The following DCAF4L2 variants were observed in gnomAD, a reference collection of about 807,000 sequenced individuals.
DCAF4L2 encodes DDB1 and CUL4 associated factor 4 like 2.
A neutral mutation model predicts 15.5 loss-of-function variants in DCAF4L2; 13 were observed. The ratio of observed to expected loss-of-function variants is 0.84; its 90% confidence interval spans 0.54 to 1.33. The LOEUF is 1.33. DCAF4L2 is among the 40% of genes most tolerant of loss of function. The pLI is 0.00. For synonymous variants in DCAF4L2, 251 were observed against 207.0 expected (o/e 1.21, Z -1.83); for missense variants, 519 against 509.6 (o/e 1.02, Z -0.18).
rs1414098327 is a variant in DCAF4L2, at chr8:87,871,190, A to C, written c.*1594T>G. 1 of 152,064 alleles carries C rather than the reference A, an allele frequency of 6.6e-6. No homozygotes were observed. The highest frequency in any genetic ancestry group is 1.5e-5 in the Non-Finnish European group (1 of 67,982). The allele number at this position is 152,064 out of a possible 1,614,324, so 9.4% of individuals were successfully genotyped here. A position where few individuals can be genotyped will look rare whatever the true frequency, so the allele number is the denominator to read the frequency against. Reference sequence around the variant, plus strand: ...ATGGACATTTTAATAGTTGCCTAAAACTCAGCATTATTCTCTTCACCTAAA... The same window carrying C: ...ATGGACATTTTAATAGTTGCCTAAACCTCAGCATTATTCTCTTCACCTAAA... On this transcript the variant is annotated 3_prime_UTR_variant, in exon 1 of 1. Coordinates refer to ENST00000319675, the MANE Select transcript of DCAF4L2 (RefSeq NM_152418.4).
In DCAF4L2 at chr8:87,873,996, C is replaced by T. The variant is rs1157139163; in HGVS notation, c.-25G>A. 2 of 1,605,422 alleles carry T rather than the reference C, an allele frequency of 1.2e-6. No homozygotes were observed. Among genetic ancestry groups the T allele is most frequent in the Non-Finnish European group, 1.7e-6 (2 of 1,174,872 alleles). ...TTTCGTTCGGCGGATGTTCTCCCTC[C>T]TGAGGGGAAGTTCTGTCCCGGGAGT... On this transcript the variant is annotated 5_prime_UTR_variant, in exon 1 of 1. Transcript: ENST00000319675.
In DCAF4L2 at chr8:87,873,411, G is replaced by C. The variant is rs757726824; in HGVS notation, c.561C>G (p.Ser187=). The change falls in exon 1 of 1, where the codon TCC becomes TCG. Residue 187 remains serine, a synonymous_variant. Coordinates refer to ENST00000319675, the MANE Select transcript of DCAF4L2 (RefSeq NM_152418.4). ...LCSFQIPDAW[S]CAWSLSIHAY... ...CGTGGATGCTCAGGGACCAGGCACA[G>C]GACCAGGCATCAGGGATCTGGAAAC... 3 of 1,614,158 alleles carry C rather than the reference G, an allele frequency of 1.9e-6. No individual in the cohort carries two copies. The highest frequency in any genetic ancestry group is 2.5e-6 in the Non-Finnish European group (3 of 1,180,026).
In DCAF4L2 at chr8:87,872,781, G is replaced by T. The variant is rs763358995; in HGVS notation, c.*3C>A. 5 of 1,557,106 alleles carry T rather than the reference G, an allele frequency of 3.2e-6. No homozygotes were observed. Among genetic ancestry groups the T allele is most frequent in the Middle Eastern group, 1.7e-4 (1 of 5,750 alleles). On this transcript the variant is annotated 3_prime_UTR_variant, in exon 1 of 1. Coordinates refer to ENST00000319675, the MANE Select transcript of DCAF4L2 (RefSeq NM_152418.4). ...ACGTTCCTCCGGGCTGCATCCTGAA[G>T]AATTAACCGTAGGAGAAACAATAAA... is the stretch of plus-strand genomic sequence containing the variant.
In DCAF4L2 at chr8:87,873,151, G is replaced by A. The variant is rs759380068; in HGVS notation, c.821C>T (p.Thr274Ile). 2 of 1,614,212 alleles carry A rather than the reference G, an allele frequency of 1.2e-6. No individual in the cohort carries two copies. The highest frequency in any genetic ancestry group is 2.2e-5 in the South Asian group (2 of 91,092). The change falls in exon 1 of 1, where the codon ACT (threonine) becomes ATT (isoleucine). Residue 274 changes from threonine (T) to isoleucine (I), a missense_variant. Physicochemically the swap from Thr to Ile is moderately conservative, Grantham distance 89 (BLOSUM62 -1). Coordinates refer to ENST00000319675, the MANE Select transcript of DCAF4L2 (RefSeq NM_152418.4). ...GCCATCTTGGAGGATTTGCAGAGAA[G>A]TCACTGCTGAATCATGGGACAGGCA... ...AICLSHDSAV[T>I]SLQILQDGQF...
chr8:87,870,996 TAC>T lies in DCAF4L2; in HGVS notation c.*1786_*1787del, dbSNP rs35578961. ...TTACAAAGAAATAACAAGTACAGCT[TAC>T]ACAGTTTCCCCTGTCACACATCAAG... On this transcript the variant is annotated 3_prime_UTR_variant, in exon 1 of 1. Coordinates refer to ENST00000319675, the MANE Select transcript of DCAF4L2 (RefSeq NM_152418.4). 40,275 of 152,190 alleles carry T rather than the reference TAC, an allele frequency of 0.26. 6,333 individuals carry two copies. The highest frequency in any genetic ancestry group is 0.44 in the African/African-American group (18,172 of 41,390). 9.4% of individuals were successfully genotyped at this position (152,190 alleles called of 1,614,324 possible).
Position 87,871,397 on chromosome 8 carries a change from A to T in DCAF4L2, c.*1387T>A, listed in dbSNP as rs1308208026. 6.5e-6 allele frequency: 1 copy of T among 154,912 alleles called. No homozygotes were observed. Among genetic ancestry groups the T allele is most frequent in the African/African-American group, 2.4e-5 (1 of 41,422 alleles). The allele number at this position is 154,912 out of a possible 1,614,324, so 9.6% of individuals were successfully genotyped here. A position where few individuals can be genotyped will look rare whatever the true frequency, so the allele number is the denominator to read the frequency against. ...AATGCAATCATTTCTGATTTTTCTG[A>T]TTATTTCTACTTCTCATAGTCAGGT... On this transcript the variant is annotated 3_prime_UTR_variant, in exon 1 of 1. Coordinates refer to ENST00000319675, the MANE Select transcript of DCAF4L2 (RefSeq NM_152418.4).
rs1809403172 is a variant in DCAF4L2, at chr8:87,871,809, T to C, written c.*975A>G. ...CATATAGCAATTGTGCCTTATTTTATATTATGCTTTATCCAATTGTATGAC... is the reference window on the plus strand; with the variant it reads ...CATATAGCAATTGTGCCTTATTTTACATTATGCTTTATCCAATTGTATGAC... On this transcript the variant is annotated 3_prime_UTR_variant, in exon 1 of 1. Coordinates refer to ENST00000319675, the MANE Select transcript of DCAF4L2 (RefSeq NM_152418.4). 2 of 152,408 alleles carry C rather than the reference T, an allele frequency of 1.3e-5. No homozygotes were observed. The highest frequency in any genetic ancestry group is 4.1e-4 in the South Asian group (2 of 4,838). The allele number at this position is 152,408 out of a possible 1,614,324, so 9.4% of individuals were successfully genotyped here.
At position 87,873,374 on chromosome 8, in the gene DCAF4L2, AAG is replaced by A; in HGVS notation, c.596_597del (p.Ser199PhefsTer25). On this transcript the variant is annotated frameshift_variant, in exon 1 of 1. Coordinates refer to ENST00000319675, the MANE Select transcript of DCAF4L2 (RefSeq NM_152418.4). LOFTEE classifies it high-confidence loss of function. ...AWSLSIHAYH[S>X]FSTGLSQQVL... is the part of the protein sequence containing the mutation. ...ACCTGCTGAGACAAGCCTGTACTGA[AAG>A]AGTGATACGCGTGGATGCTCAGGGA... is the stretch of plus-strand genomic sequence containing the variant. 6.2e-7 allele frequency: 1 copy of A among 1,614,170 alleles called. No individual in the cohort carries two copies. The highest frequency in any genetic ancestry group is 8.5e-7 in the Non-Finnish European group (1 of 1,180,024).
rs1809427616 is a variant in DCAF4L2 at position 87,872,980 on chromosome 8, G to A, written c.992C>T (p.Ala331Val). ...TCTCGTGTAGCAGTCCTGGCCCACG[G>A]CCGCCACGACTCCTTCTTCTTCGTT... ...HVNEEEGVVA[A>V]VGQDCYTRIW... Residue 331 changes from alanine to valine, a missense_variant, in exon 1 of 1, where the codon GCC becomes GTC. Ala to Val is a moderately conservative substitution (Grantham distance 64, BLOSUM62 0). Coordinates refer to ENST00000319675, the MANE Select transcript of DCAF4L2 (RefSeq NM_152418.4). 6.2e-7 allele frequency: 1 copy of A among 1,614,148 alleles called. No homozygotes were observed. The highest frequency in any genetic ancestry group is 8.5e-7 in the Non-Finnish European group (1 of 1,180,022).
chr8:87,873,502 A>G lies in DCAF4L2; in HGVS notation c.470T>C (p.Val157Ala), dbSNP rs1451534251. The change falls in exon 1 of 1, where the codon GTG becomes GCG. Residue 157 changes from valine (V) to alanine (A), a missense_variant. By Grantham distance (64) the Val-to-Ala change is moderately conservative (BLOSUM62 0). Coordinates refer to ENST00000319675, the MANE Select transcript of DCAF4L2 (RefSeq NM_152418.4). ...TATGAACAGCGACGCTGGGAGCAGC[A>G]CGGCACAGCTTGGAGTATCTGCAAG... ...VGLADTPSCAVLLPASLFIGS... is the reference protein window; with the variant it reads ...VGLADTPSCAALLPASLFIGS... 3.1e-6 allele frequency: 5 copies of G among 1,614,194 alleles called. No individual in the cohort carries two copies. In the South Asian group the frequency reaches 5.5e-5, roughly 18 times the overall value.
In DCAF4L2 at chr8:87,873,991, C is replaced by G; in HGVS notation, c.-20G>C. On this transcript the variant is annotated 5_prime_UTR_variant, in exon 1 of 1. Coordinates refer to ENST00000319675, the MANE Select transcript of DCAF4L2 (RefSeq NM_152418.4). ...CTCCATTTCGTTCGGCGGATGTTCT[C>G]CCTCCTGAGGGGAAGTTCTGTCCCG... is the stretch of plus-strand genomic sequence containing the variant. 6.2e-7 allele frequency: 1 copy of G among 1,608,496 alleles called. No homozygotes were observed. Among genetic ancestry groups the G allele is most frequent in the African/African-American group, 1.3e-5 (1 of 74,926 alleles).
chr8:87,873,173 G>C lies in DCAF4L2; in HGVS notation c.799C>G (p.Leu267Val), dbSNP rs764847286. 3 of 1,614,058 alleles carry C rather than the reference G, an allele frequency of 1.9e-6. No homozygotes were observed. The East Asian group carries it at 6.7e-5, about 36-fold the overall frequency. Residue 267 changes from leucine (L) to valine (V), a missense_variant, in exon 1 of 1, where the codon CTG (leucine) becomes GTG (valine). Coordinates refer to ENST00000319675, the MANE Select transcript of DCAF4L2 (RefSeq NM_152418.4). ...NQGSGWKAIC[L>V]SHDSAVTSLQ... is the part of the protein sequence containing the mutation. ...GAAGTCACTGCTGAATCATGGGACA[G>C]GCAAATGGCCTTCCACCCGCTGCCT...
Position 87,872,882 on chromosome 8 carries a change from G to C in DCAF4L2, c.1090C>G (p.Pro364Ala). 6.2e-7 allele frequency: 1 copy of C among 1,614,164 alleles called. No homozygotes were observed. Among genetic ancestry groups the C allele is most frequent in the South Asian group, 1.1e-5 (1 of 91,084 alleles). The change falls in exon 1 of 1, where the codon CCC becomes GCC. Residue 364 changes from proline to alanine, a missense_variant. By Grantham distance (27) the Pro-to-Ala change is conservative. Transcript: ENST00000319675. The part of the protein sequence containing the change: ...SPYPASENDI[P>A]SVAFSSRLGG... ...AGGCGAGAAGAGAAGGCCACACTGG[G>C]AATGTCGTTCTCCGAGGCGGGGTAT...
rs894032900 is a variant in DCAF4L2, at chr8:87,872,415, G to C, written c.*369C>G. On this transcript the variant is annotated 3_prime_UTR_variant, in exon 1 of 1. Coordinates refer to ENST00000319675, the MANE Select transcript of DCAF4L2 (RefSeq NM_152418.4). ...GGTAGGACTAGTCAAACAGTCTCAT[G>C]CTTCTCTAAAAGGCTTCTGGTGTAA... 6.0e-6 allele frequency: 1 copy of C among 167,336 alleles called. No homozygotes were observed. Among genetic ancestry groups the C allele is most frequent in the African/African-American group, 2.4e-5 (1 of 41,372 alleles). The allele number at this position is 167,336 out of a possible 1,614,324, so 10.4% of individuals were successfully genotyped here. A position where few individuals can be genotyped will look rare whatever the true frequency, so the allele number is the denominator to read the frequency against.
rs746026499 is a variant in DCAF4L2, at chr8:87,872,514, AAAG to A, written c.*267_*269del. On this transcript the variant is annotated 3_prime_UTR_variant, in exon 1 of 1. Coordinates refer to ENST00000319675, the MANE Select transcript of DCAF4L2 (RefSeq NM_152418.4). ...GTGTTTTTTTGTTAAAAAAAAAAAAAAAGGGGGGGATAACTATTCTAAGGTATT... is the reference window on the plus strand; with the variant it reads ...GTGTTTTTTTGTTAAAAAAAAAAAAAGGGGGGATAACTATTCTAAGGTATT... 0.07 allele frequency: 17,291 copies of A among 245,618 alleles called. 585 individuals are homozygous for A. The highest frequency in any genetic ancestry group is 0.11 in the South Asian group (790 of 7,454). The allele number at this position is 245,618 out of a possible 1,614,324, so 15.2% of individuals were successfully genotyped here.
In DCAF4L2 at chr8:87,873,095, T is replaced by C. The variant is rs1439161862; in HGVS notation, c.877A>G (p.Thr293Ala). The part of the protein sequence containing the change: ...QFLVSSDMTG[T>A]IKLWDLRATK... ...GCCCTCAAGTCCCACAGCTTGATAG[T>C]TCCAGTCATGTCTGATGACACCAGG... Residue 293 changes from threonine to alanine, a missense_variant, in exon 1 of 1, where the codon ACT (threonine) becomes GCT (alanine). Thr to Ala is a moderately conservative substitution (Grantham distance 58). Coordinates refer to ENST00000319675, the MANE Select transcript of DCAF4L2 (RefSeq NM_152418.4). 5 of 1,614,084 alleles carry C rather than the reference T, an allele frequency of 3.1e-6. No homozygotes were observed. The highest frequency in any genetic ancestry group is 1.7e-5 in the Admixed American group (1 of 60,004).
chr8:87,872,731 C>G lies in DCAF4L2; in HGVS notation c.*53G>C. ...CGCTCATAGAAACGGTAATACGATGCTCTTTACTTCTTTAAGTCAAATCCA... is the reference window on the plus strand; with the variant it reads ...CGCTCATAGAAACGGTAATACGATGGTCTTTACTTCTTTAAGTCAAATCCA... On this transcript the variant is annotated 3_prime_UTR_variant, in exon 1 of 1. Coordinates refer to ENST00000319675, the MANE Select transcript of DCAF4L2 (RefSeq NM_152418.4). 1 of 1,501,148 alleles carries G rather than the reference C, an allele frequency of 6.7e-7. No homozygotes were observed. The highest frequency in any genetic ancestry group is 8.9e-7 in the Non-Finnish European group (1 of 1,122,210). 93.0% of individuals were successfully genotyped at this position (1,501,148 alleles called of 1,614,324 possible).
Position 87,871,406 on chromosome 8 carries a change from A to G in DCAF4L2, c.*1378T>C, listed in dbSNP as rs77976937. 7,132 of 154,240 alleles carry G rather than the reference A, an allele frequency of 0.046. 239 individuals carry two copies. Among genetic ancestry groups the G allele is most frequent in the South Asian group, 0.11 (508 of 4,824 alleles). The allele number at this position is 154,240 out of a possible 1,614,324, so 9.6% of individuals were successfully genotyped here. ...ATTTCTGATTTTTCTGATTATTTCTACTTCTCATAGTCAGGTCCAAGCCAC... is the reference window on the plus strand; with the variant it reads ...ATTTCTGATTTTTCTGATTATTTCTGCTTCTCATAGTCAGGTCCAAGCCAC... On this transcript the variant is annotated 3_prime_UTR_variant, in exon 1 of 1. Transcript: ENST00000319675.
rs762081558 is a variant in DCAF4L2 at position 87,873,523 on chromosome 8, G to A, written c.449C>T (p.Ala150Val). The A allele has an allele frequency of 1.2e-6, 2 of 1,614,208 alleles. No homozygotes were observed. The highest frequency in any genetic ancestry group is 8.5e-7 in the Non-Finnish European group (1 of 1,180,046). The change falls in exon 1 of 1, where the codon GCA becomes GTA. Residue 150 changes from alanine to valine, a missense_variant. Ala to Val is a moderately conservative substitution (Grantham distance 64). Transcript: ENST00000319675. ...SHLLLCFVGL[A>V]DTPSCAVLLP... ...CAGCACGGCACAGCTTGGAGTATCT[G>A]CAAGTCCCACGAAGCACAGCAGAAG... is the stretch of plus-strand genomic sequence containing the variant.
Sources: gnomAD v4.1 joint callset for allele counts on GRCh38, gnomAD v4.1.1 for gene constraint, MANE v1.5 for transcripts, NCBI Gene and HGNC (gene_info 2026-07-23, HGNC 2026-07-21) for gene names.